Variants in USP43 observed in about 807,000 individuals in gnomAD.
USP43 encodes ubiquitin specific peptidase 43.
USP43 carries 33 observed loss-of-function variants against 90.7 expected under a neutral mutation model. That is an observed-to-expected ratio of 0.36 (90% CI 0.28 to 0.49). USP43 has a LOEUF of 0.49. Ranked by LOEUF, USP43 falls within the 20% of genes least tolerant of loss-of-function variation. The probability of loss-of-function intolerance (pLI) is 0.98; values close to 1 mark genes in which losing one functional copy is unlikely to be tolerated. For missense variants in USP43, 1,274 were observed against 1,476.4 expected (o/e 0.86, Z 2.25); for synonymous variants, 598 against 615.8 (o/e 0.97, Z 0.43).
In USP43 at chr17:9,682,884, C is replaced by T. The variant is rs778700422; in HGVS notation, c.1167C>T (p.Ser389=). ...CAGCCCGTGAGGGCCAGCGATTCTC[C>T]CTCTCTCTCCACAGTGAGAGCAAGG... ...RLAAREGQRF[S]LSLHSESKVL... Residue 389 remains serine (S), a synonymous_variant, in exon 7 of 15, where the codon TCC becomes TCT. Coordinates refer to ENST00000285199, the MANE Select transcript of USP43 (RefSeq NM_153210.5). 1.9e-6 allele frequency: 3 copies of T among 1,614,012 alleles called. No individual in the cohort carries two copies. The highest frequency in any genetic ancestry group is 1.7e-5 in the Admixed American group (1 of 60,022).
At chr17:9,713,581 A>C (rs546597527) in intron 14 of USP43, among the ~76,000 whole-genome samples, 2 of 152,186 alleles carry the variant, frequency 1.3e-5, no homozygotes, top group African/African-American at 2.4e-5. Flanking sequence ...ACAGGGGGCA[A>C]GAGTGGGGAC....
chr17:9,676,282 C>T (rs898029362), intron 4 of USP43, among the ~76,000 whole-genome samples: 1 of 152,176 alleles, frequency 6.6e-6, no homozygotes, highest in Non-Finnish European at 1.5e-5. Flanking sequence ...TTTGGCTCTA[C>T]CCTGCCACCT....
At chr17:9,719,317 T>C (rs1294305727) in intron 14 of USP43, among the ~76,000 whole-genome samples, 1 of 152,118 alleles carries the variant, frequency 6.6e-6, no homozygotes, top group Non-Finnish European at 1.5e-5. Flanking sequence ...TTTCAAAGGA[T>C]GGTCCAAGTT....
intron 2 of USP43, among the ~76,000 whole-genome samples, chr17:9,665,406 AG>A (rs1912971832): frequency 6.6e-6 from 1 of 152,148 alleles, no homozygotes; most frequent in South Asian, 2.1e-4. Flanking sequence ...TCATGGTGGA[AG>A]GGGAAGCAGG....
At chr17:9,658,456 A>C (rs1912416544) in intron 2 of USP43, among the ~76,000 whole-genome samples, 1 of 152,220 alleles carries the variant, frequency 6.6e-6, no homozygotes, top group Non-Finnish European at 1.5e-5. Context: ...TAAAGGACAG[A>C]GTCAGGATTC....
At chr17:9,657,767 A>G (rs73255740) in intron 2 of USP43, among the ~76,000 whole-genome samples, 2 of 152,240 alleles carry the variant, frequency 1.3e-5, no homozygotes, top group African/African-American at 2.4e-5. Flanking sequence ...CCATGATCCT[A>G]TCACCTCCCA....
At chr17:9,673,697 C>T (rs1913587173) in intron 3 of USP43, among the ~76,000 whole-genome samples, 1 of 152,136 alleles carries the variant, frequency 6.6e-6, no homozygotes, top group Non-Finnish European at 1.5e-5. Context: ...GGAAACTGAG[C>T]CTAGCTTTCT....
At position 9,646,150 on chromosome 17, in the gene USP43, C is replaced by T; in HGVS notation, c.504+14C>T. 4.3e-6 allele frequency: 6 copies of T among 1,410,026 alleles called. No individual in the cohort carries two copies. In the South Asian group the frequency reaches 6.2e-5, roughly 15 times the overall value. 87.3% of individuals were successfully genotyped at this position (1,410,026 alleles called of 1,614,324 possible). ...GCGGAGTTCAAGGTAGGCAGCGCTG[C>T]GCCGCCGACCGCCCTGTCCCCCTGG... On this transcript the variant is annotated intron_variant, in intron 1 of 14. Coordinates refer to ENST00000285199, the MANE Select transcript of USP43 (RefSeq NM_153210.5).
chr17:9,699,902 T>A (rs1041480615), intron 9 of USP43, among the ~76,000 whole-genome samples: 1 of 152,140 alleles, frequency 6.6e-6, no homozygotes, highest in Non-Finnish European at 1.5e-5. Context: ...GAACAGCTGA[T>A]CTATTTCCTC....
At chr17:9,724,239 T>C (rs1337108142) in intron 14 of USP43, among the ~76,000 whole-genome samples, 1 of 152,112 alleles carries the variant, frequency 6.6e-6, no homozygotes, top group Non-Finnish European at 1.5e-5. Context: ...GTCTTGGAGA[T>C]GGAGAAGCTT....
intron 1 of USP43, among the ~76,000 whole-genome samples, chr17:9,646,794 GCT>G (rs1325960796): frequency 3.9e-5 from 6 of 152,134 alleles, no homozygotes; most frequent in Admixed American, 1.3e-4. Flanking sequence ...CAGGTACCGT[GCT>G]GAGTGCCCAG....
intron 1 of USP43, among the ~76,000 whole-genome samples, chr17:9,654,539 A>G (rs1485040008): frequency 2.0e-5 from 3 of 151,736 alleles, no homozygotes; most frequent in East Asian, 2.0e-4. Context: ...AATCCCAGCT[A>G]CTTGGGAGGC....
intron 12 of USP43, among the ~76,000 whole-genome samples, chr17:9,703,289 G>A (rs186864438): frequency 1.3e-5 from 2 of 152,106 alleles, no homozygotes; most frequent in East Asian, 1.9e-4. Flanking sequence ...CATGCTGAAC[G>A]TGCTGCCTCC....
At chr17:9,684,713 A>G (rs1303972814) in intron 7 of USP43, among the ~76,000 whole-genome samples, 5 of 143,858 alleles carry the variant, frequency 3.5e-5, no homozygotes, top group Admixed American at 1.5e-4. Context: ...CGGTGAGCCG[A>G]GATTGTGCCA....
At chr17:9,703,635 C>T (rs879308634) in intron 12 of USP43, among the ~76,000 whole-genome samples, 3 of 152,112 alleles carry the variant, frequency 2.0e-5, no homozygotes, top group Non-Finnish European at 4.4e-5. Context: ...AGGGGACTGG[C>T]GAGGCGGTAG....
chr17:9,653,885 T>C (rs1208108933), intron 1 of USP43, among the ~76,000 whole-genome samples: 1 of 152,174 alleles, frequency 6.6e-6, no homozygotes. Context: ...TAGATATTGT[T>C]GTCTGGGTCA....
At position 9,728,024 on chromosome 17, in the gene USP43, T is replaced by C. The variant is rs561652206; in HGVS notation, c.2406T>C (p.Thr802=). The C allele has an allele frequency of 6.2e-7, 1 of 1,613,618 alleles. No individual in the cohort carries two copies. Among genetic ancestry groups the C allele is most frequent in the African/African-American group, 1.3e-5 (1 of 75,006 alleles). The change falls in exon 15 of 15, where the codon ACT becomes ACC. Residue 802 remains threonine (T), a synonymous_variant. Transcript: ENST00000285199. The surrounding 1 kb of genome is among the most constrained non-coding windows in gnomAD (Gnocchi z 6.2). The part of the protein sequence containing the change: ...GRSISMKAPT[T]SRAKQGPFKT... ...GCATTAGCATGAAGGCACCCACCACTTCCCGAGCCAAGCAGGGACCATTCA... is the reference window on the plus strand; with the variant it reads ...GCATTAGCATGAAGGCACCCACCACCTCCCGAGCCAAGCAGGGACCATTCA...
Position 9,684,902 on chromosome 17 carries a change from C to T in USP43, c.1242-1896C>T, listed in dbSNP as rs1031108122. On this transcript the variant is annotated intron_variant, in intron 7 of 14. Coordinates refer to ENST00000285199, the MANE Select transcript of USP43 (RefSeq NM_153210.5). ...ATAATACTCATTCTGGGCCAGAGTC[C>T]GGGGAATCAGGTAAATTGGTATGGC... Among the ~76,000 whole-genome samples the T allele has an allele frequency of 1.5e-4, 23 of 151,998 alleles. 1 individual carries two copies. Among genetic ancestry groups the T allele is most frequent in the Admixed American group, 1.4e-3 (21 of 15,246 alleles).
intron 2 of USP43, among the ~76,000 whole-genome samples, chr17:9,665,153 A>G (rs1337489741): frequency 1.3e-5 from 2 of 152,080 alleles, no homozygotes; most frequent in Non-Finnish European, 2.9e-5. Context: ...CTCATTTTGG[A>G]AGGGATAGGG....
Sources: allele counts gnomAD v4.1 joint callset (sites outside exome capture counted in the v4.1 genomes callset), GRCh38; gene constraint gnomAD v4.1.1; non-coding constraint Gnocchi (gnomAD v3.1); transcripts MANE v1.5; gene names NCBI Gene and HGNC (gene_info 2026-07-23, HGNC 2026-07-21).